Variants in NLGN1 observed in about 807,000 individuals in gnomAD.
NLGN1 encodes neuroligin-1.
In NLGN1, 12 loss-of-function variants were observed where a neutral mutation model predicts 65.5. That is an observed-to-expected ratio of 0.18 (90% CI 0.12 to 0.30). The LOEUF is 0.30. Among genes scored for constraint, NLGN1 ranks in the 10% least tolerant of loss-of-function variants. NLGN1 has a pLI of 1.00. For missense variants in NLGN1, 750 were observed against 1,007.1 expected (o/e 0.74, Z 3.46); for synonymous variants, 350 against 359.5 (o/e 0.97, Z 0.30).
At chr3:173,549,728 A>G (rs976050130) in intron 2 of NLGN1, among the ~76,000 whole-genome samples, 3 of 152,052 alleles carry the variant, frequency 2.0e-5, no homozygotes, top group Admixed American at 1.3e-4. Flanking sequence ...ATGACTATGC[A>G]TATTTCTGAA....
chr3:173,421,550 G>A (rs1261496591), intron 1 of NLGN1, among the ~76,000 whole-genome samples: 2 of 151,702 alleles, frequency 1.3e-5, no homozygotes, highest in Non-Finnish European at 2.9e-5. Flanking sequence ...TGTCACGCAG[G>A]CTGGAGTGCA....
At chr3:173,788,102 C>T (rs1018450176) in intron 3 of NLGN1, among the ~76,000 whole-genome samples, 2 of 146,966 alleles carry the variant, frequency 1.4e-5, no homozygotes, top group African/African-American at 2.5e-5. Context: ...CCATTTTCTC[C>T]TTAATGAGTA....
At chr3:173,950,638 C>A (rs1217603875) in intron 4 of NLGN1, among the ~76,000 whole-genome samples, 1 of 151,852 alleles carries the variant, frequency 6.6e-6, no homozygotes, top group Non-Finnish European at 1.5e-5. Context: ...TGTGGCGAAA[C>A]CCTGTCTCTA....
intron 2 of NLGN1, among the ~76,000 whole-genome samples, chr3:173,484,242 T>C (rs1727784861): frequency 6.6e-6 from 1 of 152,080 alleles, no homozygotes; most frequent in Non-Finnish European, 1.5e-5. Context: ...ACCACCTATA[T>C]TGAAAAATAC....
intron 2 of NLGN1, among the ~76,000 whole-genome samples, chr3:173,524,963 A>G (rs1184641310): frequency 6.6e-6 from 1 of 152,042 alleles, no homozygotes; most frequent in Admixed American, 6.6e-5. Context: ...TGTTGGATTC[A>G]GTTTGCTAGT....
chr3:173,597,225 G>A (rs1338294931), intron 2 of NLGN1, among the ~76,000 whole-genome samples: 1 of 152,238 alleles, frequency 6.6e-6, no homozygotes. Context: ...GTTCTTTGGA[G>A]TTAGGCAGTC....
chr3:174,279,423 T>A lies in NLGN1; in HGVS notation c.1422T>A (p.Asp474Glu), dbSNP rs1320581925. 6.2e-7 allele frequency: 1 copy of A among 1,613,172 alleles called. No homozygotes were observed. Among genetic ancestry groups the A allele is most frequent in the Non-Finnish European group, 8.5e-7 (1 of 1,179,558 alleles). ...TGGCACCAGCTGTAGCCACAGCGGATCTTCACTCAAACTTTGGTTCACCTA... is the reference window on the plus strand; with the variant it reads ...TGGCACCAGCTGTAGCCACAGCGGAACTTCACTCAAACTTTGGTTCACCTA... The change falls in exon 6 of 7, where the codon GAT (aspartate) becomes GAA (glutamate). Residue 474 changes from aspartate (D) to glutamate (E), a missense_variant. Asp to Glu is a conservative substitution (Grantham distance 45, BLOSUM62 2). Coordinates refer to ENST00000457714, the Ensembl canonical transcript of NLGN1. The surrounding 1 kb of genome is among the most constrained non-coding windows in gnomAD (Gnocchi z 4.7).
At chr3:174,146,440 C>G (rs1441787322) in intron 4 of NLGN1, among the ~76,000 whole-genome samples, 1 of 152,046 alleles carries the variant, frequency 6.6e-6, no homozygotes, top group Non-Finnish European at 1.5e-5. Flanking sequence ...TTTATAACCA[C>G]TAATAACTGC....
chr3:174,107,015 CACAG>C (rs1440524448), intron 4 of NLGN1, among the ~76,000 whole-genome samples: 2,509 of 65,168 alleles, frequency 0.039, 18 homozygotes, highest in Middle Eastern at 0.086. Context: ...CACACACACA[CACAG>C]AGAGAGAGAG....
intron 4 of NLGN1, among the ~76,000 whole-genome samples, chr3:173,886,909 T>G (rs1205600899): frequency 6.6e-6 from 1 of 152,020 alleles, no homozygotes; most frequent in East Asian, 1.9e-4. Flanking sequence ...TATAGGCGAG[T>G]TCAAGAAAAA....
intron 4 of NLGN1, among the ~76,000 whole-genome samples, chr3:174,052,018 G>A (rs1038569859): frequency 6.6e-6 from 1 of 152,000 alleles, no homozygotes; most frequent in Non-Finnish European, 1.5e-5. Flanking sequence ...TTATTCATGT[G>A]GCATAATCGG....
At chr3:174,068,015 G>C (rs1293704330) in intron 4 of NLGN1, among the ~76,000 whole-genome samples, 1 of 152,102 alleles carries the variant, frequency 6.6e-6, no homozygotes, top group Non-Finnish European at 1.5e-5. Flanking sequence ...TGGAGTGTTT[G>C]TTTCCCACTT....
chr3:173,698,494 C>T (rs1766587590), intron 3 of NLGN1, among the ~76,000 whole-genome samples: 1 of 152,230 alleles, frequency 6.6e-6, no homozygotes, highest in South Asian at 2.1e-4. Flanking sequence ...CCTTTTGATG[C>T]ATAAGACTTT....
At chr3:173,520,359 G>A (rs1366389474) in intron 2 of NLGN1, among the ~76,000 whole-genome samples, 6 of 152,194 alleles carry the variant, frequency 3.9e-5, no homozygotes, top group Admixed American at 6.5e-5. Context: ...TTGTTGAGAT[G>A]AGAATGAACA....
chr3:174,008,919 C>A (rs1560832052), intron 4 of NLGN1, among the ~76,000 whole-genome samples: 1 of 152,098 alleles, frequency 6.6e-6, no homozygotes. Context: ...GTATTGAGCA[C>A]CTGCCCTGTA....
At chr3:174,240,426 A>G (rs558262744) in intron 4 of NLGN1, among the ~76,000 whole-genome samples, 42 of 152,300 alleles carry the variant, frequency 2.8e-4, no homozygotes, top group African/African-American at 5.0e-4. Flanking sequence ...TCCAAATTGA[A>G]AGAGTCCTCC....
chr3:173,796,293 A>C (rs1000135499), intron 3 of NLGN1, among the ~76,000 whole-genome samples: 5 of 152,136 alleles, frequency 3.3e-5, no homozygotes, highest in African/African-American at 2.4e-5. Flanking sequence ...TCTCCTGTTA[A>C]CTACAGAGAA....
chr3:173,500,652 G>A (rs1730933407), intron 2 of NLGN1, among the ~76,000 whole-genome samples: 1 of 152,126 alleles, frequency 6.6e-6, no homozygotes, highest in South Asian at 2.1e-4. Flanking sequence ...TGTACCTGTG[G>A]TAGAATTTGG....
At chr3:173,699,317 C>T (rs552259516) in intron 3 of NLGN1, among the ~76,000 whole-genome samples, 1 of 152,262 alleles carries the variant, frequency 6.6e-6, no homozygotes, top group Admixed American at 6.5e-5. Flanking sequence ...AATGCACATC[C>T]ATACAATTTA....
Sources: gnomAD v4.1 joint callset for allele counts (sites outside exome capture counted in the v4.1 genomes callset) on GRCh38, gnomAD v4.1.1 for gene constraint, Gnocchi (gnomAD v3.1) non-coding constraint, MANE v1.5 for transcripts, NCBI Gene and HGNC (gene_info 2026-07-23, HGNC 2026-07-21) for gene names.